Variants in DDAH1 observed in about 807,000 individuals in gnomAD.
DDAH1 encodes dimethylarginine dimethylaminohydrolase 1.
DDAH1 carries 19 observed loss-of-function variants against 28.8 expected under a neutral mutation model. The ratio of observed to expected loss-of-function variants is 0.66; its 90% confidence interval spans 0.46 to 0.97. The LOEUF is 0.97. DDAH1 is among the 50% of genes least tolerant of loss of function. The probability of loss-of-function intolerance (pLI) is 0.00; values close to 1 mark genes in which losing one functional copy is unlikely to be tolerated. For synonymous variants in DDAH1, 153 were observed against 154.4 expected (o/e 0.99, Z 0.07); for missense variants, 326 against 375.9 (o/e 0.87, Z 1.10).
chr1:85,338,195 G>A (rs1648255390), intron 4 of DDAH1, among the ~76,000 whole-genome samples: 1 of 152,130 alleles, frequency 6.6e-6, no homozygotes, highest in Non-Finnish European at 1.5e-5. Context: ...ATGAGAATGA[G>A]CATAATAAAA....
intron 1 of DDAH1, among the ~76,000 whole-genome samples, chr1:85,456,506 C>T (rs920678594): frequency 5.9e-5 from 9 of 152,092 alleles, no homozygotes; most frequent in African/African-American, 1.9e-4. Context: ...GTACAGTATT[C>T]AATAAATTAC....
intron 2 of DDAH1, among the ~76,000 whole-genome samples, chr1:85,473,338 T>C (rs1056489270): frequency 6.6e-6 from 1 of 152,188 alleles, no homozygotes; most frequent in African/African-American, 2.4e-5. Context: ...TCCAGAAGTA[T>C]GTTTATGACC....
chr1:85,481,363 G>T lies in DDAH1; in HGVS notation c.-7+14803C>A, dbSNP rs528608923. ...TCCGCCTGCCTCAGCCTCCCACAGTGTTGGGACTACAGATGTGAGTCACCT... is the reference window on the plus strand; with the variant it reads ...TCCGCCTGCCTCAGCCTCCCACAGTTTTGGGACTACAGATGTGAGTCACCT... On this transcript the variant is annotated intron_variant, in intron 2 of 6. Coordinates refer to the DDAH1 transcript ENST00000426972. Among the ~76,000 whole-genome samples, 23 of 152,202 alleles carry T rather than the reference G, an allele frequency of 1.5e-4. No homozygotes were observed. In the South Asian group the frequency reaches 4.8e-3, roughly 32 times the overall value.
chr1:85,353,923 G>C (rs1344052448), intron 2 of DDAH1, among the ~76,000 whole-genome samples: 1 of 152,054 alleles, frequency 6.6e-6, no homozygotes, highest in Non-Finnish European at 1.5e-5. Context: ...GGTGTTCGGA[G>C]CGTGATGTGG....
chr1:85,438,591 T>C (rs1654046028), intron 1 of DDAH1, among the ~76,000 whole-genome samples: 1 of 152,160 alleles, frequency 6.6e-6, no homozygotes, highest in South Asian at 2.1e-4. Context: ...CTAGTCCTCT[T>C]TGAGCAACCC....
intron 1 of DDAH1, among the ~76,000 whole-genome samples, chr1:85,428,320 A>C (rs1653506379): frequency 6.6e-6 from 1 of 152,184 alleles, no homozygotes; most frequent in African/African-American, 2.4e-5. Flanking sequence ...GAGGCCTCAC[A>C]ATCATGGCAG....
chr1:85,505,326 A>G (rs867939816), intron 1 of DDAH1, among the ~76,000 whole-genome samples: 10 of 152,124 alleles, frequency 6.6e-5, no homozygotes, highest in Non-Finnish European at 1.3e-4. Context: ...AGTAGGCCAC[A>G]CCTAACAAAA....
At chr1:85,432,502 A>G (rs1364755907) in intron 1 of DDAH1, among the ~76,000 whole-genome samples, 1 of 152,114 alleles carries the variant, frequency 6.6e-6, no homozygotes, top group Non-Finnish European at 1.5e-5. Context: ...AGTAGATTCC[A>G]CCTTTCCTGG....
chr1:85,408,013 C>G (rs1417270431), intron 1 of DDAH1, among the ~76,000 whole-genome samples: 1 of 152,152 alleles, frequency 6.6e-6, no homozygotes, highest in Non-Finnish European at 1.5e-5. Flanking sequence ...GTATTCAAAT[C>G]AAGTGCAGGC....
intron 1 of DDAH1, chr1:85,404,319 C>T (rs1652299406): frequency 1.3e-6 from 2 of 1,485,782 alleles, no homozygotes; most frequent in East Asian, 2.5e-5. Context: ...TGTAGGATTG[C>T]AGTTGACAAA....
At chr1:85,400,971 T>C (rs1056719880) in intron 1 of DDAH1, among the ~76,000 whole-genome samples, 1 of 152,166 alleles carries the variant, frequency 6.6e-6, no homozygotes, top group Non-Finnish European at 1.5e-5. Context: ...ACCATAAAAA[T>C]GTAAGCAGAG....
intron 4 of DDAH1, 30 bp downstream of exon 4, chr1:85,350,385 C>A: frequency 6.2e-7 from 1 of 1,604,376 alleles, no homozygotes; most frequent in Non-Finnish European, 8.5e-7. Flanking sequence ...ACCCCCACTA[C>A]ATTTAGAAGG....
At chr1:85,346,537 G>A (rs1347562231) in intron 4 of DDAH1, among the ~76,000 whole-genome samples, 1 of 152,114 alleles carries the variant, frequency 6.6e-6, no homozygotes, top group African/African-American at 2.4e-5. Context: ...TGGGGCCAGG[G>A]GAATCAGGGC....
chr1:85,508,741 T>C (rs1657116424), intron 1 of DDAH1, among the ~76,000 whole-genome samples: 1 of 152,234 alleles, frequency 6.6e-6, no homozygotes, highest in Non-Finnish European at 1.5e-5. Context: ...CTGAGATCAA[T>C]CTGTGAGGCG....
intron 4 of DDAH1, among the ~76,000 whole-genome samples, chr1:85,327,582 C>T (rs373468630): frequency 6.6e-6 from 1 of 152,174 alleles, no homozygotes; most frequent in African/African-American, 2.4e-5. Context: ...GAATGCAGGT[C>T]CAGGCATAAT....
chr1:85,408,293 CTTTTTT>C (rs36103030), intron 1 of DDAH1, among the ~76,000 whole-genome samples: 1 of 145,606 alleles, frequency 6.9e-6, no homozygotes, highest in South Asian at 2.1e-4. Flanking sequence ...CTCCTTCTTC[CTTTTTT>C]TTTTTTTATC....
In DDAH1 at chr1:85,471,885, C is replaced by T. The variant is rs1570585874; in HGVS notation, c.-7+24281G>A. ...GAATTTCTGTAGCTCTTTCTGTGTTCCTCTGTTGGGGCTCAGAAAACAATG... is the reference window on the plus strand; with the variant it reads ...GAATTTCTGTAGCTCTTTCTGTGTTTCTCTGTTGGGGCTCAGAAAACAATG... On this transcript the variant is annotated intron_variant, in intron 2 of 6. Coordinates refer to the DDAH1 transcript ENST00000426972. 3.9e-5 allele frequency among the ~76,000 whole-genome samples: 6 copies of T among 152,180 alleles called. No individual in the cohort carries two copies. The South Asian group carries it at 1.2e-3, about 32-fold the overall frequency.
intron 4 of DDAH1, among the ~76,000 whole-genome samples, chr1:85,344,421 C>T (rs757671014): frequency 7.2e-5 from 11 of 152,172 alleles, no homozygotes; most frequent in African/African-American, 2.2e-4. Flanking sequence ...TCCTGCTGCC[C>T]GGCCAGCAGA....
chr1:85,526,176 C>T (rs1365154469), intron 1 of DDAH1, among the ~76,000 whole-genome samples: 2 of 152,204 alleles, frequency 1.3e-5, no homozygotes, highest in African/African-American at 4.8e-5. Flanking sequence ...TGCTGCCCAT[C>T]TTTCCCTCAT....
Sources: gnomAD v4.1 joint callset for allele counts (sites outside exome capture counted in the v4.1 genomes callset) on GRCh38, gnomAD v4.1.1 for gene constraint, MANE v1.5 for transcripts, NCBI Gene and HGNC (gene_info 2026-07-23, HGNC 2026-07-21) for gene names.